The following LRMDA variants were observed in gnomAD, a reference collection of about 807,000 sequenced individuals.
LRMDA encodes leucine rich melanocyte differentiation associated.
In LRMDA, 18 loss-of-function variants were observed where a neutral mutation model predicts 29.8. That is an observed-to-expected ratio of 0.60 (90% confidence interval 0.42 to 0.90). LRMDA has a LOEUF of 0.90. LRMDA is among the 40% of genes least tolerant of loss of function. The probability of loss-of-function intolerance (pLI) is 0.00; values close to 1 mark genes in which losing one functional copy is unlikely to be tolerated. For synonymous variants in LRMDA, 125 were observed against 109.4 expected (o/e 1.14, Z -0.89); for missense variants, 273 against 273.9 (o/e 1.00, Z 0.02).
chr10:75,991,189 A>G lies in LRMDA; in HGVS notation c.132-44819A>G, dbSNP rs559834437. Among the ~76,000 whole-genome samples the G allele has an allele frequency of 2.6e-5, 4 of 152,372 alleles. 1 individual carries two copies. The South Asian group carries it at 8.3e-4, about 32-fold the overall frequency. ...TATGTATGTACATATACACACATAT[A>G]GAGATACATGTATTTTTGGTGTGTG... On this transcript the variant is annotated intron_variant, in intron 2 of 6. Transcript: ENST00000611255.
At chr10:76,439,705 G>A (rs962395645) in intron 6 of LRMDA, among the ~76,000 whole-genome samples, 8 of 152,194 alleles carry the variant, frequency 5.3e-5, no homozygotes, top group Admixed American at 2.6e-4. Flanking sequence ...GTGCCACTGC[G>A]CCTGCACCCA....
At chr10:76,314,597 G>C (rs1840668983) in intron 5 of LRMDA, among the ~76,000 whole-genome samples, 1 of 152,134 alleles carries the variant, frequency 6.6e-6, no homozygotes. Context: ...AAATTCAGTA[G>C]ACTCAATTTC....
intron 2 of LRMDA, among the ~76,000 whole-genome samples, chr10:75,658,127 A>T (rs770515638): frequency 6.6e-6 from 1 of 152,082 alleles, no homozygotes; most frequent in Non-Finnish European, 1.5e-5. Flanking sequence ...CTCTGGAGAG[A>T]CACCTCAGGC....
intron 6 of LRMDA, among the ~76,000 whole-genome samples, chr10:76,409,351 A>T (rs1221858859): frequency 6.6e-6 from 1 of 152,174 alleles, no homozygotes; most frequent in Non-Finnish European, 1.5e-5. Flanking sequence ...ATATCCTACT[A>T]CTCAAGGTCA....
At chr10:75,680,992 A>G (rs940777992) in intron 2 of LRMDA, among the ~76,000 whole-genome samples, 6 of 152,178 alleles carry the variant, frequency 3.9e-5, no homozygotes, top group Admixed American at 1.3e-4. Flanking sequence ...TCTTTTTAGC[A>G]TATTAAATAC....
chr10:76,393,304 CT>C lies in LRMDA; in HGVS notation c.601+68824del, dbSNP rs576115189. Among the ~76,000 whole-genome samples the C allele has an allele frequency of 2.6e-5, 4 of 152,124 alleles. No homozygotes were observed. The East Asian group carries it at 7.7e-4, about 29-fold the overall frequency. On this transcript the variant is annotated intron_variant, in intron 6 of 6. Transcript: ENST00000611255. ...CCCACTGGTAATGTACATGGGTTCCCTTTTTCCCACATCCTTATGAATACTT... is the reference window on the plus strand; with the variant it reads ...CCCACTGGTAATGTACATGGGTTCCCTTTTCCCACATCCTTATGAATACTT...
chr10:75,581,520 G>A (rs1417144784), intron 2 of LRMDA, among the ~76,000 whole-genome samples: 6 of 151,982 alleles, frequency 3.9e-5, no homozygotes, highest in Non-Finnish European at 8.8e-5. Context: ...ATTCCTTAAG[G>A]ATCTAGAACC....
intron 2 of LRMDA, among the ~76,000 whole-genome samples, chr10:75,958,076 G>A (rs1212527794): frequency 1.3e-5 from 2 of 152,146 alleles, no homozygotes; most frequent in Non-Finnish European, 2.9e-5. Context: ...TAGCCTGTGC[G>A]CCTTGCTGAC....
At chr10:76,268,492 T>C (rs1227215192) in intron 5 of LRMDA, among the ~76,000 whole-genome samples, 1 of 152,202 alleles carries the variant, frequency 6.6e-6, no homozygotes, top group East Asian at 1.9e-4. Flanking sequence ...ACCCCTCTTA[T>C]ATTAGATCAA....
chr10:75,736,900 C>T (rs1161279246), intron 2 of LRMDA, among the ~76,000 whole-genome samples: 1 of 152,132 alleles, frequency 6.6e-6, no homozygotes, highest in South Asian at 2.1e-4. Flanking sequence ...CGCCAACTGC[C>T]AGCTATTTAG....
At chr10:75,667,223 C>G (rs558639288) in intron 2 of LRMDA, among the ~76,000 whole-genome samples, 7 of 149,348 alleles carry the variant, frequency 4.7e-5, no homozygotes, top group African/African-American at 1.2e-4. Flanking sequence ...TTTTATAACC[C>G]CCCCCCCCAA....
intron 5 of LRMDA, among the ~76,000 whole-genome samples, chr10:76,299,222 T>TTG (rs1840450303): frequency 6.6e-6 from 1 of 151,586 alleles, no homozygotes; most frequent in African/African-American, 2.4e-5. Context: ...TTTAAGTATA[T>TTG]TGTGTGTGTC....
At chr10:75,627,551 A>T (rs1422844936) in intron 2 of LRMDA, among the ~76,000 whole-genome samples, 1 of 152,246 alleles carries the variant, frequency 6.6e-6, no homozygotes, top group Non-Finnish European at 1.5e-5. Context: ...GTTCAAACAC[A>T]GTCCATACAG....
At chr10:76,199,557 C>G (rs1226665574) in intron 5 of LRMDA, among the ~76,000 whole-genome samples, 1 of 152,112 alleles carries the variant, frequency 6.6e-6, no homozygotes, top group Non-Finnish European at 1.5e-5. Context: ...ACGTGGAGAC[C>G]ATTATTAGTA....
At chr10:76,112,760 T>C (rs1317237270) in intron 5 of LRMDA, among the ~76,000 whole-genome samples, 1 of 152,240 alleles carries the variant, frequency 6.6e-6, no homozygotes, top group East Asian at 1.9e-4. Flanking sequence ...AATCACTTAA[T>C]GCTTTGCTGT....
chr10:75,736,295 G>A (rs1329803959), intron 2 of LRMDA, among the ~76,000 whole-genome samples: 3 of 152,170 alleles, frequency 2.0e-5, no homozygotes, highest in African/African-American at 7.2e-5. Flanking sequence ...ATGCAACAAA[G>A]CACTTTTTGA....
At chr10:76,127,496 A>G (rs374563290) in intron 5 of LRMDA, among the ~76,000 whole-genome samples, 1 of 152,022 alleles carries the variant, frequency 6.6e-6, no homozygotes, top group Admixed American at 6.5e-5. Flanking sequence ...AAACCTACTT[A>G]TGTTAGTTGT....
intron 2 of LRMDA, among the ~76,000 whole-genome samples, chr10:75,861,683 A>C (rs1564589473): frequency 2.0e-5 from 3 of 152,226 alleles, no homozygotes. Context: ...TAATGGCAAC[A>C]GTCTTTATCC....
At chr10:76,146,409 C>G (rs1850322252) in intron 5 of LRMDA, among the ~76,000 whole-genome samples, 3 of 151,498 alleles carry the variant, frequency 2.0e-5, no homozygotes, top group Admixed American at 6.6e-5. Flanking sequence ...GGATAGTTAG[C>G]TCTTCTTGTT....
Sources: allele counts gnomAD v4.1 joint callset (sites outside exome capture counted in the v4.1 genomes callset), GRCh38; gene constraint gnomAD v4.1.1; transcripts MANE v1.5; gene names NCBI Gene and HGNC (gene_info 2026-07-23, HGNC 2026-07-21).